The following RNLS variants were observed in gnomAD, a reference collection of about 807,000 sequenced individuals.
The protein encoded by RNLS is renalase.
In RNLS, 39 loss-of-function variants were observed where a neutral mutation model predicts 39.8. That is an observed-to-expected ratio of 0.98 (90% CI 0.76 to 1.28). The LOEUF (loss-of-function observed/expected upper bound fraction) is 1.28. Ranked by LOEUF, RNLS falls within the 50% of genes most tolerant of loss-of-function variation. RNLS has a pLI of 0.00. For synonymous variants in RNLS, 147 were observed against 150.7 expected, an observed-to-expected ratio of 0.98 and a Z score of 0.18; for missense variants, 410 against 413.3, an observed-to-expected ratio of 0.99 and a Z score of 0.07.
At chr10:88,185,537 C>G in the RNLS span, among the ~76,000 whole-genome samples, 4 of 152,160 alleles carry the variant, frequency 2.6e-5, no homozygotes, top group African/African-American at 9.7e-5. Context: ...ACATTCCAAT[C>G]TCCTCATCAT....
the RNLS span, chr10:88,259,364 A>G: frequency 2.0e-5 from 3 of 152,240 alleles, no homozygotes; most frequent in African/African-American, 4.8e-5. Flanking sequence ...TACTTCAAAC[A>G]AAAAGAAATG....
At chr10:88,565,138 T>C (rs992926989) in intron 4 of RNLS, among the ~76,000 whole-genome samples, 1 of 152,246 alleles carries the variant, frequency 6.6e-6, no homozygotes, top group Non-Finnish European at 1.5e-5. Context: ...TATGTAATTC[T>C]AATGGGCCTA....
chr10:88,573,583 G>T (rs957252430), intron 3 of RNLS, among the ~76,000 whole-genome samples: 3 of 152,144 alleles, frequency 2.0e-5, no homozygotes, highest in Admixed American at 6.5e-5. Flanking sequence ...AAGGTTCTCT[G>T]TAAGGGAAAT....
At chr10:88,250,465 G>A in the RNLS span, among the ~76,000 whole-genome samples, 1 of 152,198 alleles carries the variant, frequency 6.6e-6, no homozygotes, top group Non-Finnish European at 1.5e-5. Context: ...GAATGAAGCA[G>A]ACAGGTATAG....
chr10:88,393,110 C>A (rs950188107), intron 4 of RNLS, among the ~76,000 whole-genome samples: 11 of 152,260 alleles, frequency 7.2e-5, no homozygotes, highest in Non-Finnish European at 1.3e-4. Context: ...AAACTGGAAG[C>A]AGTCCCTTTG....
intron 4 of RNLS, among the ~76,000 whole-genome samples, chr10:88,475,715 G>T (rs1188135871): frequency 1.3e-5 from 2 of 152,164 alleles, no homozygotes; most frequent in African/African-American, 2.4e-5. Flanking sequence ...TCTGGCTTTT[G>T]GGGGGTGGGA....
chr10:88,524,975 A>G (rs1847018498), intron 4 of RNLS, among the ~76,000 whole-genome samples: 1 of 132,318 alleles, frequency 7.6e-6, no homozygotes, highest in Non-Finnish European at 1.6e-5. Flanking sequence ...ATATATATAT[A>G]TATATATATA....
At chr10:88,199,183 C>T in the RNLS span, among the ~76,000 whole-genome samples, 1 of 152,132 alleles carries the variant, frequency 6.6e-6, no homozygotes, top group Non-Finnish European at 1.5e-5. Flanking sequence ...CCCACGTCCT[C>T]CAATCTCAGA....
intron 4 of RNLS, among the ~76,000 whole-genome samples, chr10:88,569,962 C>G (rs916590172): frequency 6.6e-6 from 1 of 151,922 alleles, no homozygotes; most frequent in African/African-American, 2.4e-5. Flanking sequence ...AAAATTTTAC[C>G]ACAAAGAAAA....
chr10:88,314,743 G>T, intron 5 of RNLS, 102 bp from the exon 6 acceptor site: 1 of 955,468 alleles, frequency 1.0e-6, no homozygotes, highest in Non-Finnish European at 1.5e-6. Context: ...CAATAATCAA[G>T]CAATAAATGG....
chr10:88,277,312 C>G (rs1382303285), intron 6 of RNLS, among the ~76,000 whole-genome samples: 1 of 151,844 alleles, frequency 6.6e-6, no homozygotes, highest in African/African-American at 2.4e-5. Context: ...GCATTGCAAA[C>G]CAGGGTGCCT....
intron 6 of RNLS, among the ~76,000 whole-genome samples, chr10:88,292,240 C>A (rs1843720937): frequency 6.7e-6 from 1 of 150,094 alleles, no homozygotes; most frequent in African/African-American, 2.5e-5. Flanking sequence ...AAAATATGAT[C>A]TAGGATGCTG....
chr10:88,397,359 AAGCAACACACACCTAAAT>A, intron 4 of RNLS, among the ~76,000 whole-genome samples: 1 of 152,124 alleles, frequency 6.6e-6, no homozygotes, highest in East Asian at 1.9e-4. Context: ...CATGTGAATT[AAGCAACACACACCTAAAT>A]AGGACAAAGA....
chr10:88,485,198 G>A (rs1467798295), intron 4 of RNLS, among the ~76,000 whole-genome samples: 1 of 151,936 alleles, frequency 6.6e-6, no homozygotes, highest in Non-Finnish European at 1.5e-5. Context: ...TTGGAAGAAT[G>A]TCTGGTTTCA....
At chr10:88,282,654 G>A (rs987230714), downstream of RNLS, among the ~76,000 whole-genome samples, 2 of 152,010 alleles carry the variant, frequency 1.3e-5, no homozygotes, top group African/African-American at 4.8e-5. Flanking sequence ...ACTCAACGAA[G>A]TGTCTTCCTC....
chr10:88,500,867 G>A (rs1246386481), intron 4 of RNLS, among the ~76,000 whole-genome samples: 2 of 151,892 alleles, frequency 1.3e-5, no homozygotes, highest in Non-Finnish European at 1.5e-5. Context: ...GTGTAACTTG[G>A]GCTAGCAATT....
chr10:88,504,019 C>G (rs934949111), intron 4 of RNLS, among the ~76,000 whole-genome samples: 32 of 152,044 alleles, frequency 2.1e-4, no homozygotes, highest in African/African-American at 6.8e-4. Context: ...TCTCAGGTAG[C>G]CTATGGAGAA....
chr10:88,556,612 C>T (rs1029036086), intron 4 of RNLS, among the ~76,000 whole-genome samples: 4 of 152,278 alleles, frequency 2.6e-5, no homozygotes, highest in Non-Finnish European at 5.9e-5. Flanking sequence ...TCTTCTGCCA[C>T]TGTCCCTTTC....
chr10:88,582,840 GC>G (rs1214633407), intron 1 of RNLS, among the ~76,000 whole-genome samples: 1 of 149,312 alleles, frequency 6.7e-6, no homozygotes, highest in Non-Finnish European at 1.5e-5. Context: ...CTCCTGCCGG[GC>G]CCCCACCCTC....
Sources: gnomAD v4.1 joint callset for allele counts (sites outside exome capture counted in the v4.1 genomes callset) on GRCh38, gnomAD v4.1.1 for gene constraint, MANE v1.5 for transcripts, NCBI Gene and HGNC (gene_info 2026-07-23, HGNC 2026-07-21) for gene names.